The following POLR2B variants were observed in gnomAD, a reference collection of about 807,000 sequenced individuals.
POLR2B encodes the protein RNA polymerase II subunit B, also known as DNA-directed RNA polymerase II subunit RPB2.
In POLR2B, 57 loss-of-function variants were observed where a neutral mutation model predicts 144.6. That is an observed-to-expected ratio of 0.39 (90% CI 0.32 to 0.49). The LOEUF (loss-of-function observed/expected upper bound fraction) is 0.49. Ranked by LOEUF, POLR2B falls within the 20% of genes least tolerant of loss-of-function variation. The pLI is 0.83. For synonymous variants in POLR2B, 442 were observed against 469.8 expected, an observed-to-expected ratio of 0.94 and a Z score of 0.77; for missense variants, 595 against 1,467.4, an observed-to-expected ratio of 0.41 and a Z score of 9.71.
At chr4:57,001,461 T>C (rs538071259) in intron 7 of POLR2B, among the ~76,000 whole-genome samples, 1 of 152,350 alleles carries the variant, frequency 6.6e-6, no homozygotes, top group South Asian at 2.1e-4. Context: ...GTGCCTGGCC[T>C]CCTCGGCCTT....
At chr4:56,984,361 T>C (rs1013361752) in intron 1 of POLR2B, among the ~76,000 whole-genome samples, 22 of 152,206 alleles carry the variant, frequency 1.4e-4, no homozygotes, top group Non-Finnish European at 2.5e-4. Context: ...AAACGTTTAT[T>C]TTATTGACAC....
chr4:56,990,618 G>T (rs953692907), intron 2 of POLR2B, 130 bp from the exon 3 acceptor site: 2 of 738,358 alleles, frequency 2.7e-6, no homozygotes, highest in African/African-American at 3.5e-5. Flanking sequence ...CTTGTTTAGT[G>T]GTTGACATAT....
At chr4:57,008,824 G>A (rs1723104497) in intron 10 of POLR2B, among the ~76,000 whole-genome samples, 1 of 152,190 alleles carries the variant, frequency 6.6e-6, no homozygotes, top group South Asian at 2.1e-4. Context: ...AGAGAGCTTA[G>A]AGAACTTCTT....
intron 10 of POLR2B, 121 bp from the exon 11 acceptor site, chr4:57,010,240 T>C (rs1723146571): frequency 4.6e-6 from 4 of 872,400 alleles, no homozygotes; most frequent in South Asian, 1.9e-5. Context: ...AGGGAAAGAA[T>C]AGAGAAATGG....
chr4:56,986,102 A>G, intron 1 of POLR2B: 1 of 450,100 alleles, frequency 2.2e-6, no homozygotes. Flanking sequence ...CTGATCAATA[A>G]AATGGAAAAC....
intron 1 of POLR2B, chr4:56,985,583 G>C (rs1358179826): frequency 3.8e-6 from 2 of 532,448 alleles, no homozygotes; most frequent in East Asian, 1.5e-4. Context: ...GTCTTTTTTA[G>C]TAGAGACAGG....
chr4:57,001,289 G>T (rs936762829), intron 7 of POLR2B, among the ~76,000 whole-genome samples: 1 of 151,712 alleles, frequency 6.6e-6, no homozygotes. Context: ...CTTGTGAGTA[G>T]CTGGGATTAC....
At chr4:57,030,016 G>A (rs1251831022) in intron 23 of POLR2B, among the ~76,000 whole-genome samples, 188 bp from the exon 24 acceptor site, 1 of 152,104 alleles carries the variant, frequency 6.6e-6, no homozygotes. Flanking sequence ...CCCATTTGGG[G>A]ACTTTCTAAT....
intron 6 of POLR2B, 68 bp downstream of exon 6, chr4:56,995,477 C>T (rs1722650461): frequency 8.9e-7 from 1 of 1,125,246 alleles, no homozygotes; most frequent in Admixed American, 2.1e-5. Flanking sequence ...TACTAGACTG[C>T]CTTCTTTGTC....
Position 57,017,425 on chromosome 4 carries a change from C to T in POLR2B, c.2155-135C>T. On this transcript the variant is annotated intron_variant, in intron 15 of 24. Coordinates refer to ENST00000314595, the MANE Select transcript of POLR2B (RefSeq NM_000938.3). The surrounding 1 kb of genome is among the most constrained non-coding windows in gnomAD (Gnocchi z 4.8). ...GGTTAAGAGCCGTAATTGATTATTC[C>T]AAATGGTTATTACTTACTGTTTTTG... 3 of 805,236 alleles carry T rather than the reference C, an allele frequency of 3.7e-6. No individual in the cohort carries two copies. The East Asian group carries it at 7.7e-5, about 21-fold the overall frequency. 49.9% of individuals were successfully genotyped at this position (805,236 alleles called of 1,614,324 possible).
rs975808482 is a variant in POLR2B, at chr4:57,000,932, G to A, written c.900+1151G>A. 2.0e-5 allele frequency among the ~76,000 whole-genome samples: 3 copies of A among 152,064 alleles called. No homozygotes were observed. In the East Asian group the frequency reaches 5.8e-4, roughly 29 times the overall value. ...GCTGGTCTCAAACCCCTGACCTCAG[G>A]TGATCTGCCCACCTCGGCCTCCCAA... is the stretch of plus-strand genomic sequence containing the variant. On this transcript the variant is annotated intron_variant, in intron 7 of 24. Coordinates refer to ENST00000314595, the MANE Select transcript of POLR2B (RefSeq NM_000938.3).
rs1341075156 is a variant in POLR2B, at chr4:57,024,044, A to G, written c.2896A>G (p.Ile966Val). ...FTCEGITPDI[I>V]INPHAIPSRM... is the part of the protein sequence containing the mutation. ...CTGTGAAGGTATCACCCCTGATATCATCATCAATCCCCATGCCATCCCCTC... is the reference window on the plus strand; with the variant it reads ...CTGTGAAGGTATCACCCCTGATATCGTCATCAATCCCCATGCCATCCCCTC... Residue 966 changes from isoleucine (I) to valine (V), a missense_variant, in exon 21 of 25, where the codon ATC becomes GTC. Physicochemically the swap from Ile to Val is conservative, Grantham distance 29 (BLOSUM62 3). This residue lies in a region of POLR2B where 65 missense variants were observed against 282.8 expected (regional missense o/e 0.23). Coordinates refer to ENST00000314595, the MANE Select transcript of POLR2B (RefSeq NM_000938.3). 1.2e-6 allele frequency: 2 copies of G among 1,610,892 alleles called. No individual in the cohort carries two copies. The highest frequency in any genetic ancestry group is 1.3e-5 in the African/African-American group (1 of 74,768).
At chr4:57,001,059 A>G (rs1322239682) in intron 7 of POLR2B, among the ~76,000 whole-genome samples, 2 of 152,250 alleles carry the variant, frequency 1.3e-5, no homozygotes, top group Non-Finnish European at 1.5e-5. Flanking sequence ...AGATCTGTAC[A>G]TTAATAGTAT....
intron 14 of POLR2B, among the ~76,000 whole-genome samples, chr4:57,016,593 A>G (rs11936394): frequency 0.011 from 1,713 of 150,902 alleles, 43 homozygotes; most frequent in African/African-American, 0.04. Flanking sequence ...TATAATCTAA[A>G]TTATTACATA....
At chr4:56,992,578 G>C (rs1442105734) in intron 3 of POLR2B, among the ~76,000 whole-genome samples, 1 of 38,514 alleles carries the variant, frequency 2.6e-5, no homozygotes, top group Non-Finnish European at 5.2e-5. Context: ...TTTTTTTTTT[G>C]AGACAGAGTC....
At chr4:56,979,744 C>G (rs553568609) in intron 1 of POLR2B, among the ~76,000 whole-genome samples, 1 of 152,098 alleles carries the variant, frequency 6.6e-6, no homozygotes, top group Admixed American at 6.6e-5. Flanking sequence ...ACTAAAAATA[C>G]AAAAATTAGC....
chr4:56,999,958 A>C (rs1273838706), intron 7 of POLR2B, among the ~76,000 whole-genome samples, 177 bp downstream of exon 7: 1 of 152,208 alleles, frequency 6.6e-6, no homozygotes, highest in Non-Finnish European at 1.5e-5. Flanking sequence ...CTTTTCTGAC[A>C]GTTTGTTGTA....
Position 57,023,857 on chromosome 4 carries a change from CTT to C in POLR2B, c.2856+110_2856+111del. ...GAGCTCAAAGATGATACAGGTTGAA[CTT>C]TTTGATTTTATTGTTGAATAAGTAT... On this transcript the variant is annotated intron_variant, in intron 20 of 24. Transcript: ENST00000314595. The surrounding 1 kb of genome is among the most constrained non-coding windows in gnomAD (Gnocchi z 4.3). The C allele has an allele frequency of 1.2e-6, 1 of 854,846 alleles. No homozygotes were observed. Among genetic ancestry groups the C allele is most frequent in the Non-Finnish European group, 1.8e-6 (1 of 540,626 alleles). 53.0% of individuals were successfully genotyped at this position (854,846 alleles called of 1,614,324 possible).
rs770796818 is a variant in POLR2B, at chr4:56,994,492, A to G, written c.332A>G (p.Asn111Ser). 7 of 1,593,256 alleles carry G rather than the reference A, an allele frequency of 4.4e-6. No individual in the cohort carries two copies. Among genetic ancestry groups the G allele is most frequent in the South Asian group, 1.1e-5 (1 of 90,570 alleles). ...RDGAPSPMMP[N>S]EARLRNLTYS... ...GGTGCTCCTTCACCAATGATGCCCA[A>G]TGAAGCTAGATTAAGGAATCTCACG... Residue 111 changes from asparagine to serine, a missense_variant, in exon 4 of 25, where the codon AAT (asparagine) becomes AGT (serine). Asn to Ser is a conservative substitution (Grantham distance 46). Transcript: ENST00000314595.
Sources: allele counts gnomAD v4.1 joint callset (sites outside exome capture counted in the v4.1 genomes callset), GRCh38; gene constraint gnomAD v4.1.1; regional missense constraint gnomAD v4.1.1; non-coding constraint Gnocchi (gnomAD v3.1); transcripts MANE v1.5; gene names NCBI Gene and HGNC (gene_info 2026-07-23, HGNC 2026-07-21).